Variants in FGGY observed in about 807,000 individuals in gnomAD.
The protein encoded by FGGY is FGGY carbohydrate kinase domain containing, also known as FGGY carbohydrate kinase domain-containing protein.
Under a neutral mutation model 71.3 loss-of-function variants are expected in FGGY, and 72 were observed. The ratio of observed to expected loss-of-function variants is 1.01; its 90% CI spans 0.84 to 1.23. The LOEUF (loss-of-function observed/expected upper bound fraction) is 1.23, where lower values mean the gene tolerates loss of function less well. FGGY is among the 50% of genes most tolerant of loss of function. The probability of loss-of-function intolerance (pLI) is 0.00; values close to 1 mark genes in which losing one functional copy is unlikely to be tolerated. For synonymous variants in FGGY, 251 were observed against 250.3 expected, an observed-to-expected ratio of 1.00 and a Z score of -0.02; for missense variants, 668 against 682.3, an observed-to-expected ratio of 0.98 and a Z score of 0.23.
intron 5 of FGGY, among the ~76,000 whole-genome samples, chr1:59,449,876 G>A (rs1356637930): frequency 1.3e-5 from 2 of 152,124 alleles, no homozygotes; most frequent in African/African-American, 4.8e-5. Flanking sequence ...AGGCTCAGGT[G>A]GCAGGATTCC....
intron 5 of FGGY, among the ~76,000 whole-genome samples, chr1:59,390,114 T>C (rs1283184343): frequency 1.3e-5 from 2 of 152,144 alleles, no homozygotes; most frequent in African/African-American, 4.8e-5. Flanking sequence ...CACCAGCTTA[T>C]TTTTTAGTAT....
intron 7 of FGGY, among the ~76,000 whole-genome samples, chr1:59,548,666 A>G (rs541259858): frequency 6.6e-6 from 1 of 152,338 alleles, no homozygotes; most frequent in African/African-American, 2.4e-5. Context: ...CACTAGCTAT[A>G]TGTTGCTACT....
rs142122874 is a variant in FGGY at position 59,510,387 on chromosome 1, A to T, written c.671-1924A>T. On this transcript the variant is annotated intron_variant, in intron 6 of 15. Transcript: ENST00000303721. ...AGTCCCTAGCATGAAAGTGCTCAGC[A>T]AACTGGAGTGCAGTCTCTCCTGTGT... Among the ~76,000 whole-genome samples, 327 of 152,368 alleles carry T rather than the reference A, an allele frequency of 2.1e-3. 1 individual carries two copies. Among genetic ancestry groups the T allele is most frequent in the African/African-American group, 7.6e-3 (318 of 41,592 alleles).
rs533429903 is a variant in FGGY, at chr1:59,371,133, C to A, written c.466-7616C>A. On this transcript the variant is annotated intron_variant, in intron 4 of 15. Transcript: ENST00000303721. ...TGGCAAGTTGGATAAAGAGTCAAGA[C>A]CCATCAGTGTGTTGTATTCAGGAAA... 2.6e-3 allele frequency among the ~76,000 whole-genome samples: 390 copies of A among 152,234 alleles called. 2 individuals are homozygous for A. Among genetic ancestry groups the A allele is most frequent in the Non-Finnish European group, 4.6e-3 (312 of 68,016 alleles).
At chr1:59,756,847 G>A (rs1392848887) in intron 14 of FGGY, among the ~76,000 whole-genome samples, 2 of 151,726 alleles carry the variant, frequency 1.3e-5, no homozygotes, top group African/African-American at 2.4e-5. Context: ...GGAAACACTT[G>A]GAAATGTTTT....
intron 8 of FGGY, among the ~76,000 whole-genome samples, chr1:59,555,593 G>A (rs1453567678): frequency 6.6e-6 from 1 of 152,234 alleles, no homozygotes; most frequent in Non-Finnish European, 1.5e-5. Context: ...CTGGGAGGGT[G>A]CAGGGTGATA....
intron 2 of FGGY, among the ~76,000 whole-genome samples, chr1:59,330,505 G>T (rs2048257011): frequency 1.3e-5 from 2 of 151,096 alleles, no homozygotes; most frequent in South Asian, 4.2e-4. Context: ...GGAGGCGGAG[G>T]TTGCAATAAG....
chr1:59,396,400 AT>A (rs1026523161), intron 5 of FGGY, among the ~76,000 whole-genome samples: 1 of 151,368 alleles, frequency 6.6e-6, no homozygotes, highest in Non-Finnish European at 1.5e-5. Flanking sequence ...GTTTCTTTTG[AT>A]TTTTTTTTCC....
intron 8 of FGGY, among the ~76,000 whole-genome samples, chr1:59,563,056 A>G (rs955007262): frequency 6.6e-6 from 1 of 152,182 alleles, no homozygotes; most frequent in Non-Finnish European, 1.5e-5. Flanking sequence ...AGATAATTTG[A>G]CTTCCTCTCT....
intron 14 of FGGY, among the ~76,000 whole-genome samples, chr1:59,742,363 A>T (rs1330274292): frequency 6.6e-6 from 1 of 152,164 alleles, no homozygotes; most frequent in East Asian, 1.9e-4. Flanking sequence ...CCTTGGCAAC[A>T]TTTTGCAAAG....
chr1:59,655,290 T>A (rs1305395984), intron 11 of FGGY, among the ~76,000 whole-genome samples: 1 of 152,232 alleles, frequency 6.6e-6, no homozygotes, highest in Non-Finnish European at 1.5e-5. Flanking sequence ...CTTTACGTTC[T>A]GGGATACATG....
chr1:59,383,375 G>T (rs555447696), intron 5 of FGGY, among the ~76,000 whole-genome samples: 1 of 152,238 alleles, frequency 6.6e-6, no homozygotes, highest in East Asian at 1.9e-4. Flanking sequence ...GAGATTGGAA[G>T]TGTTTTAAAG....
intron 5 of FGGY, among the ~76,000 whole-genome samples, chr1:59,396,252 T>C (rs897202625): frequency 5.4e-4 from 82 of 152,174 alleles, no homozygotes; most frequent in African/African-American, 1.7e-3. Flanking sequence ...AGTCATAATT[T>C]TGGGTGTCTC....
chr1:59,321,387 A>T, intron 1 of FGGY, 149 bp from the exon 2 acceptor site: 2 of 678,136 alleles, frequency 2.9e-6, no homozygotes, highest in Non-Finnish European at 5.1e-6. Context: ...GTATACTGTT[A>T]TCACTAAAAA....
intron 5 of FGGY, among the ~76,000 whole-genome samples, chr1:59,427,454 G>A (rs1166837328): frequency 6.6e-6 from 1 of 152,156 alleles, no homozygotes. Context: ...TTACCTTGCC[G>A]TCTCCTCCTC....
At chr1:59,593,478 C>G (rs1024767469) in intron 8 of FGGY, among the ~76,000 whole-genome samples, 1 of 152,196 alleles carries the variant, frequency 6.6e-6, no homozygotes, top group African/African-American at 2.4e-5. Flanking sequence ...TGCTAATCCT[C>G]AGTTCCCTCA....
intron 5 of FGGY, among the ~76,000 whole-genome samples, chr1:59,388,987 G>A (rs552190629): frequency 5.3e-5 from 8 of 151,756 alleles, no homozygotes; most frequent in South Asian, 2.1e-4. Context: ...TTGCTCTGTC[G>A]CCCAGGCCGG....
At chr1:59,690,880 G>A (rs2097582119) in intron 14 of FGGY, among the ~76,000 whole-genome samples, 1 of 152,224 alleles carries the variant, frequency 6.6e-6, no homozygotes, top group Non-Finnish European at 1.5e-5. Flanking sequence ...AGCTGTGACT[G>A]TAAACTGCTG....
intron 10 of FGGY, among the ~76,000 whole-genome samples, chr1:59,627,043 C>G (rs1488885063): frequency 6.6e-6 from 1 of 151,840 alleles, no homozygotes; most frequent in Non-Finnish European, 1.5e-5. Context: ...GCCTCATGTC[C>G]CTGATACCCC....
Sources: gnomAD v4.1 joint callset for allele counts (sites outside exome capture counted in the v4.1 genomes callset) on GRCh38, gnomAD v4.1.1 for gene constraint, MANE v1.5 for transcripts, NCBI Gene and HGNC (gene_info 2026-07-23, HGNC 2026-07-21) for gene names.